KIAA1549L: variants seen among roughly 807,000 people sequenced by gnomAD.
The protein encoded by KIAA1549L is KIAA1549 like.
KIAA1549L carries 88 observed loss-of-function variants against 160.7 expected under a neutral mutation model. The observed-to-expected ratio is 0.55, with a 90% CI of 0.46 to 0.65. The LOEUF (loss-of-function observed/expected upper bound fraction) is 0.65, where lower values mean the gene tolerates loss of function less well. Among genes scored for constraint, KIAA1549L ranks in the 30% least tolerant of loss-of-function variants. The pLI is 0.00. For synonymous variants in KIAA1549L, 950 were observed against 976.7 expected (o/e 0.97, Z 0.51); for missense variants, 2,258 against 2,437.5 (o/e 0.93, Z 1.55).
At chr11:33,414,703 T>A (rs895302133) in intron 1 of KIAA1549L, among the ~76,000 whole-genome samples, 1 of 152,232 alleles carries the variant, frequency 6.6e-6, no homozygotes, top group African/African-American at 2.4e-5. Context: ...AATTTGGTAG[T>A]TGAAAAGGGT....
chr11:33,417,715 C>T (rs1455132202), intron 1 of KIAA1549L, among the ~76,000 whole-genome samples: 1 of 152,144 alleles, frequency 6.6e-6, no homozygotes, highest in Non-Finnish European at 1.5e-5. Flanking sequence ...CTCTAGGGAG[C>T]TCCCCATCCC....
In KIAA1549L at chr11:33,598,822, GGT is replaced by G; in HGVS notation, c.4755_4756del (p.Arg1585SerfsTer4). On this transcript the variant is annotated frameshift_variant, in exon 13 of 21. Transcript: ENST00000658780. LOFTEE classifies it high-confidence loss of function. Reference sequence around the variant, plus strand: ...CCTGTTGCTATGGTTACCTCCAGCAGGTCGCCCAGTGAGAATGGCTCTGTCAT... The same window carrying G: ...CCTGTTGCTATGGTTACCTCCAGCAGCGCCCAGTGAGAATGGCTCTGTCAT... 1 of 1,613,862 alleles carries G rather than the reference GGT, an allele frequency of 6.2e-7. No individual in the cohort carries two copies. The highest frequency in any genetic ancestry group is 8.5e-7 in the Non-Finnish European group (1 of 1,179,812).
rs1854147963 is a variant in KIAA1549L, at chr11:33,544,205, G to T, written c.2642G>T (p.Arg881Ile). The T allele has an allele frequency of 6.2e-7, 1 of 1,613,866 alleles. No individual in the cohort carries two copies. Among genetic ancestry groups the T allele is most frequent in the Admixed American group, 1.7e-5 (1 of 60,004 alleles). Residue 881 changes from arginine (R) to isoleucine (I), a missense_variant, in exon 2 of 21, where the codon AGA becomes ATA. Arg to Ile is a moderately conservative substitution (Grantham distance 97, BLOSUM62 -3). Around this residue, in one of 6 missense-constraint regions of KIAA1549L, gnomAD observed 287 missense variants for 292.3 expected, o/e 0.98. Coordinates refer to ENST00000658780, the MANE Select transcript of KIAA1549L (RefSeq NM_012194.3). ...ISSDINSSPERNASTPFQNIL... is the reference protein window; with the variant it reads ...ISSDINSSPEINASTPFQNIL... Reference sequence around the variant, plus strand: ...AGTGACATCAATTCATCACCTGAGAGAAATGCTTCCACACCATTCCAGAAC... The same window carrying T: ...AGTGACATCAATTCATCACCTGAGATAAATGCTTCCACACCATTCCAGAAC...
At chr11:33,529,047 A>T (rs1052039240) in intron 1 of KIAA1549L, among the ~76,000 whole-genome samples, 14 of 152,330 alleles carry the variant, frequency 9.2e-5, no homozygotes, top group African/African-American at 3.1e-4. Context: ...GAGTATAAGA[A>T]TTTATTGGCT....
In KIAA1549L at chr11:33,671,616, A is replaced by ACACACACACC; in HGVS notation, c.*3463_*3464insACACACACCC. The ACACACACACC allele has an allele frequency of 6.6e-6, 1 of 150,992 alleles. No individual in the cohort carries two copies. Among genetic ancestry groups the ACACACACACC allele is most frequent in the African/African-American group, 2.4e-5 (1 of 40,874 alleles). The allele number at this position is 150,992 out of a possible 1,614,324, so 9.4% of individuals were successfully genotyped here. A position where few individuals can be genotyped will look rare whatever the true frequency, so the allele number is the denominator to read the frequency against. ...CACACACACACACACACACACACACACCCTACTTCGGAGAGAGAATGTAGA... is the reference window on the plus strand; with the variant it reads ...CACACACACACACACACACACACACACACACACACCCCCTACTTCGGAGAGAGAATGTAGA... On this transcript the variant is annotated 3_prime_UTR_variant, in exon 21 of 21. Transcript: ENST00000658780.
At chr11:33,504,410 T>C (rs1225128369) in intron 1 of KIAA1549L, among the ~76,000 whole-genome samples, 2 of 152,036 alleles carry the variant, frequency 1.3e-5, no homozygotes, top group African/African-American at 4.8e-5. Context: ...AGCAAACCAA[T>C]CAAATAGGTA....
intron 16 of KIAA1549L, among the ~76,000 whole-genome samples, chr11:33,628,402 A>G (rs1194388880): frequency 6.6e-6 from 1 of 151,558 alleles, no homozygotes; most frequent in Non-Finnish European, 1.5e-5. Flanking sequence ...GTTTCCCATT[A>G]TTAATGTGTG....
chr11:33,479,804 A>G (rs1852370843), intron 1 of KIAA1549L, among the ~76,000 whole-genome samples: 1 of 152,162 alleles, frequency 6.6e-6, no homozygotes, highest in African/African-American at 2.4e-5. Context: ...AACAGATTTT[A>G]AAAGGGAAGA....
At chr11:33,568,615 T>C (rs189750483) in intron 9 of KIAA1549L, among the ~76,000 whole-genome samples, 9 of 152,344 alleles carry the variant, frequency 5.9e-5, no homozygotes, top group Non-Finnish European at 1.0e-4. Context: ...CCTCCATTCC[T>C]CTGAATAGCA....
intron 1 of KIAA1549L, among the ~76,000 whole-genome samples, chr11:33,492,252 C>T (rs1367636429): frequency 1.3e-5 from 2 of 152,116 alleles, no homozygotes; most frequent in East Asian, 1.9e-4. Flanking sequence ...TCTGTAATCC[C>T]GGCCACTGGG....
intron 4 of KIAA1549L, among the ~76,000 whole-genome samples, chr11:33,549,274 A>G (rs535752021): frequency 1.3e-5 from 2 of 152,256 alleles, no homozygotes; most frequent in Non-Finnish European, 2.9e-5. Context: ...AAGAATGAGA[A>G]TAATGGAAAC....
Position 33,386,856 on chromosome 11 carries a change from C to T in KIAA1549L, c.238+9967C>T, listed in dbSNP as rs1850183119. Among the ~76,000 whole-genome samples, 3 of 152,108 alleles carry T rather than the reference C, an allele frequency of 2.0e-5. No individual in the cohort carries two copies. In the South Asian group the frequency reaches 6.2e-4, roughly 32 times the overall value. On this transcript the variant is annotated intron_variant, in intron 1 of 20. Transcript: ENST00000658780. ...ATGCGGTGGCTCAATCCTGTAATCC[C>T]AACACTTTGGGAGCCCAAGGAGGGT... is the stretch of plus-strand genomic sequence containing the variant.
chr11:33,537,633 C>T (rs1396530340), intron 1 of KIAA1549L, among the ~76,000 whole-genome samples: 1 of 152,202 alleles, frequency 6.6e-6, no homozygotes, highest in African/African-American at 2.4e-5. Context: ...TTTATACCTT[C>T]TTCCCACTGT....
intron 20 of KIAA1549L, among the ~76,000 whole-genome samples, chr11:33,666,395 T>G (rs1852454036): frequency 6.6e-6 from 1 of 152,166 alleles, no homozygotes; most frequent in South Asian, 2.1e-4. Flanking sequence ...CATTTGATTT[T>G]CCCTTTGCCC....
rs1852723495 is a variant in KIAA1549L, at chr11:33,673,734, A to G, written c.*5580A>G. On this transcript the variant is annotated 3_prime_UTR_variant, in exon 21 of 21. Transcript: ENST00000658780. ...CTGCTGAATTAATTTATACAGTCAC[A>G]TGTTCCATGACACCATGTTTTGCCA... 1 of 152,248 alleles carries G rather than the reference A, an allele frequency of 6.6e-6. No individual in the cohort carries two copies. The highest frequency in any genetic ancestry group is 2.1e-4 in the South Asian group (1 of 4,834). 9.4% of individuals were successfully genotyped at this position (152,248 alleles called of 1,614,324 possible). A position where few individuals can be genotyped will look rare whatever the true frequency, so the allele number is the denominator to read the frequency against.
chr11:33,522,863 A>T (rs1248481614), intron 1 of KIAA1549L, among the ~76,000 whole-genome samples: 4 of 151,820 alleles, frequency 2.6e-5, no homozygotes, highest in Non-Finnish European at 5.9e-5. Flanking sequence ...TGCGCCACTA[A>T]ATTCCAGCCT....
chr11:33,653,195 C>G (rs1350694373), intron 17 of KIAA1549L, among the ~76,000 whole-genome samples: 6 of 152,130 alleles, frequency 3.9e-5, no homozygotes, highest in Non-Finnish European at 8.8e-5. Context: ...TAAGACAGAC[C>G]TGGTTACTGC....
chr11:33,490,681 C>T (rs1254444938), intron 1 of KIAA1549L, among the ~76,000 whole-genome samples: 1 of 152,170 alleles, frequency 6.6e-6, no homozygotes, highest in African/African-American at 2.4e-5. Flanking sequence ...GCCTCCCTTC[C>T]CCACACCCAT....
In KIAA1549L at chr11:33,529,659, CTG is replaced by C. The variant is rs1255991043; in HGVS notation, c.239-12140_239-12139del. Among the ~76,000 whole-genome samples the C allele has an allele frequency of 2.6e-5, 4 of 152,194 alleles. No individual in the cohort carries two copies. The East Asian group carries it at 5.8e-4, about 22-fold the overall frequency. ...GTGTCTCCAGATCCCACATGCTAAACTGTGACACTTGAGTACCTTCATGGTGA... is the reference window on the plus strand; with the variant it reads ...GTGTCTCCAGATCCCACATGCTAAACTGACACTTGAGTACCTTCATGGTGA... On this transcript the variant is annotated intron_variant, in intron 1 of 20. Coordinates refer to ENST00000658780, the MANE Select transcript of KIAA1549L (RefSeq NM_012194.3).
Sources: gnomAD v4.1 joint callset for allele counts (sites outside exome capture counted in the v4.1 genomes callset) on GRCh38, gnomAD v4.1.1 for gene constraint, gnomAD v4.1.1 regional missense constraint, MANE v1.5 for transcripts, NCBI Gene and HGNC (gene_info 2026-07-23, HGNC 2026-07-21) for gene names.